Variants in ZFYVE9 observed in about 807,000 individuals in gnomAD.
ZFYVE9 encodes the protein zinc finger FYVE domain-containing protein 9.
In ZFYVE9, 43 loss-of-function variants were observed where a neutral mutation model predicts 126.7. The observed-to-expected ratio is 0.34, with a 90% CI of 0.27 to 0.44. The LOEUF is 0.44. Ranked by LOEUF, ZFYVE9 falls within the 20% of genes least tolerant of loss-of-function variation. The probability of loss-of-function intolerance (pLI) is 1.00; values close to 1 mark genes in which losing one functional copy is unlikely to be tolerated. For synonymous variants in ZFYVE9, 521 were observed against 597.4 expected (o/e 0.87, Z 1.87); for missense variants, 1,476 against 1,697.0 (o/e 0.87, Z 2.29).
chr1:52,151,004 T>A (rs1360390977), intron 1 of ZFYVE9, among the ~76,000 whole-genome samples: 1 of 151,696 alleles, frequency 6.6e-6, no homozygotes, highest in Admixed American at 6.6e-5. Flanking sequence ...TTTTTTTTTT[T>A]TTAGTAGTAG....
intron 2 of ZFYVE9, among the ~76,000 whole-genome samples, chr1:52,221,412 G>A (rs1368356051): frequency 1.3e-5 from 2 of 152,150 alleles, no homozygotes; most frequent in African/African-American, 2.4e-5. Context: ...GGAAAGCAGC[G>A]GGGTTGAGTG....
chr1:52,281,956 T>C (rs1645809700), intron 10 of ZFYVE9, 140 bp downstream of exon 10: 2 of 894,326 alleles, frequency 2.2e-6, no homozygotes, highest in African/African-American at 3.4e-5. Flanking sequence ...AAGCTTTCCA[T>C]GGTTTGAAGA....
intron 8 of ZFYVE9, among the ~76,000 whole-genome samples, chr1:52,278,156 G>A (rs192109505): frequency 3.3e-5 from 5 of 150,520 alleles, no homozygotes; most frequent in Admixed American, 1.3e-4. Flanking sequence ...TGCTGGTCTT[G>A]AACATTTATT....
intron 1 of ZFYVE9, among the ~76,000 whole-genome samples, chr1:52,196,014 G>A (rs1182090113): frequency 2.6e-5 from 4 of 151,962 alleles, no homozygotes; most frequent in Admixed American, 1.3e-4. Flanking sequence ...GGCTGGTCTC[G>A]AACTCCTGAC....
At chr1:52,246,521 GTTTTTTTTCCTGGGT>G (rs1378529352) in intron 4 of ZFYVE9, among the ~76,000 whole-genome samples, 1 of 145,898 alleles carries the variant, frequency 6.9e-6, no homozygotes, top group Non-Finnish European at 1.5e-5. Context: ...TTTTTATCCT[GTTTTTTTTCCTGGGT>G]TTTTTTTTTT....
At chr1:52,163,672 C>A (rs1416391769) in intron 1 of ZFYVE9, among the ~76,000 whole-genome samples, 1 of 152,024 alleles carries the variant, frequency 6.6e-6, no homozygotes, top group Non-Finnish European at 1.5e-5. Flanking sequence ...CATAAATGGC[C>A]ACATCCAAAT....
At chr1:52,329,473 A>AG (rs1646320298) in intron 13 of ZFYVE9, among the ~76,000 whole-genome samples, 2 of 152,342 alleles carry the variant, frequency 1.3e-5, no homozygotes, top group Non-Finnish European at 2.9e-5. Flanking sequence ...AAGCAACAAA[A>AG]GAAAAAAAAT....
intron 1 of ZFYVE9, among the ~76,000 whole-genome samples, chr1:52,202,857 T>A (rs1314091753): frequency 6.6e-6 from 1 of 151,378 alleles, no homozygotes. Flanking sequence ...GGCTAATTTT[T>A]GTATTTTTAG....
chr1:52,303,947 T>TAAATGAAAAAAACC (rs1283618036), intron 13 of ZFYVE9, 22 bp downstream of exon 13: 4 of 1,531,166 alleles, frequency 2.6e-6, no homozygotes, highest in Non-Finnish European at 2.7e-6. Context: ...CATGAAGGCG[T>TAAATGAAAAAAACC]ATTTTTCATA....
chr1:52,319,882 G>A (rs1646222243), intron 13 of ZFYVE9, among the ~76,000 whole-genome samples: 2 of 150,502 alleles, frequency 1.3e-5, no homozygotes. Flanking sequence ...GCGTGGTAAT[G>A]TGTGCCTGTA....
At chr1:52,172,544 A>C (rs1644583319) in intron 1 of ZFYVE9, among the ~76,000 whole-genome samples, 1 of 152,148 alleles carries the variant, frequency 6.6e-6, no homozygotes, top group African/African-American at 2.4e-5. Context: ...GAAGAAAGTC[A>C]TTGGTAGCTT....
chr1:52,155,319 C>T (rs947764033), intron 1 of ZFYVE9, among the ~76,000 whole-genome samples: 15 of 151,240 alleles, frequency 9.9e-5, no homozygotes, highest in African/African-American at 1.2e-4. Flanking sequence ...CTGCAGGCTC[C>T]GCCCCCCGGG....
At chr1:52,231,984 T>G (rs889041047) in intron 2 of ZFYVE9, among the ~76,000 whole-genome samples, 2 of 152,180 alleles carry the variant, frequency 1.3e-5, no homozygotes, top group Non-Finnish European at 2.9e-5. Context: ...ATTTGTAAAA[T>G]GAGGGAAATA....
intron 1 of ZFYVE9, among the ~76,000 whole-genome samples, chr1:52,154,910 T>G (rs1644387728): frequency 6.6e-6 from 1 of 152,196 alleles, no homozygotes; most frequent in African/African-American, 2.4e-5. Flanking sequence ...TTTTTTCTCC[T>G]TCTTAAGTTG....
At chr1:52,331,625 A>G (rs1026433111) in intron 13 of ZFYVE9, among the ~76,000 whole-genome samples, 5 of 150,870 alleles carry the variant, frequency 3.3e-5, no homozygotes, top group East Asian at 2.0e-4. Flanking sequence ...GGTAGCAGGC[A>G]CTTGTAGTCC....
intron 1 of ZFYVE9, among the ~76,000 whole-genome samples, chr1:52,168,210 TCTTC>T (rs1317223054): frequency 6.9e-6 from 1 of 144,202 alleles, no homozygotes; most frequent in East Asian, 2.0e-4. Context: ...CTCCTCTTCG[TCTTC>T]TTTTTTTTTT....
chr1:52,232,642 C>T (rs945250921), intron 2 of ZFYVE9, among the ~76,000 whole-genome samples: 3 of 146,964 alleles, frequency 2.0e-5, no homozygotes, highest in African/African-American at 7.7e-5. Context: ...GCAGGAGAAT[C>T]GCTTGAACTC....
chr1:52,246,538 T>G (rs148888379), intron 4 of ZFYVE9, among the ~76,000 whole-genome samples: 1,854 of 150,944 alleles, frequency 0.012, 35 homozygotes, highest in African/African-American at 0.043. Context: ...TTCCTGGGTT[T>G]TTTTTTTTTT....
chr1:52,278,731 CTTTTTTT>C, intron 9 of ZFYVE9, 117 bp downstream of exon 9: 1 of 480,726 alleles, frequency 2.1e-6, no homozygotes, highest in Non-Finnish European at 3.3e-6. Context: ...TTTTTTTTTT[CTTTTTTT>C]TTTTTTGAGA....
Sources: gnomAD v4.1 joint callset for allele counts (sites outside exome capture counted in the v4.1 genomes callset) on GRCh38, gnomAD v4.1.1 for gene constraint, MANE v1.5 for transcripts, NCBI Gene and HGNC (gene_info 2026-07-23, HGNC 2026-07-21) for gene names.